MAP2: variants seen among roughly 807,000 people sequenced by gnomAD.
The protein encoded by MAP2 is microtubule-associated protein 2.
In MAP2, 14 loss-of-function variants were observed where a neutral mutation model predicts 137.6. The ratio of observed to expected loss-of-function variants is 0.10; its 90% CI spans 0.07 to 0.16. MAP2 has a LOEUF of 0.16. Among genes scored for constraint, MAP2 ranks in the 10% least tolerant of loss-of-function variants. The probability of loss-of-function intolerance (pLI) is 1.00; values close to 1 mark genes in which losing one functional copy is unlikely to be tolerated. For synonymous variants in MAP2, 786 were observed against 782.3 expected (o/e 1.00, Z -0.08); for missense variants, 2,088 against 2,191.5 (o/e 0.95, Z 0.94).
intron 2 of MAP2, among the ~76,000 whole-genome samples, chr2:209,571,417 A>G (rs2074377821): frequency 6.6e-6 from 1 of 151,984 alleles, no homozygotes; most frequent in Non-Finnish European, 1.5e-5. Context: ...TATTAGTTTT[A>G]TCTGCTCTGG....
chr2:209,649,447 C>T (rs2094632802), intron 4 of MAP2, among the ~76,000 whole-genome samples: 2 of 152,070 alleles, frequency 1.3e-5, no homozygotes, highest in South Asian at 4.1e-4. Context: ...TTTTGAAGAA[C>T]AGAGATAATC....
intron 5 of MAP2, among the ~76,000 whole-genome samples, chr2:209,670,106 A>C (rs923841134): frequency 1.3e-5 from 2 of 152,106 alleles, no homozygotes; most frequent in Admixed American, 6.6e-5. Flanking sequence ...TCAGTGCCTT[A>C]ATGATTGGAT....
At chr2:209,548,904 T>G (rs914473900) in intron 2 of MAP2, among the ~76,000 whole-genome samples, 2 of 152,200 alleles carry the variant, frequency 1.3e-5, no homozygotes, top group Non-Finnish European at 1.5e-5. Context: ...TGCAGAACTG[T>G]GAGTCAATTA....
In MAP2 at chr2:209,695,019, T is replaced by C. The variant is rs775061918; in HGVS notation, c.2849T>C (p.Phe950Ser). The change falls in exon 8 of 16, where the codon TTT becomes TCT. Residue 950 changes from phenylalanine to serine, a missense_variant. Transcript: ENST00000682079. ...GACAAATCAGGACTGAGTAAGGAGT[T>C]TGACCAAGAGAAGAAAGCTAATGAT... ...SGDKSGLSKE[F>S]DQEKKANDRL... 15 of 1,613,956 alleles carry C rather than the reference T, an allele frequency of 9.3e-6. No individual in the cohort carries two copies. Among genetic ancestry groups the C allele is most frequent in the East Asian group, 2.2e-5 (1 of 44,870 alleles).
chr2:209,654,131 T>G (rs2094982492), intron 5 of MAP2, among the ~76,000 whole-genome samples: 1 of 152,244 alleles, frequency 6.6e-6, no homozygotes, highest in African/African-American at 2.4e-5. Context: ...CTTGGGGTGC[T>G]GCAGCAAATT....
intron 5 of MAP2, among the ~76,000 whole-genome samples, chr2:209,660,812 C>T (rs1239085665): frequency 6.7e-6 from 1 of 149,206 alleles, no homozygotes; most frequent in Non-Finnish European, 1.5e-5. Flanking sequence ...CGGCTCACTG[C>T]AAGCTCCGCC....
chr2:209,582,657 T>TGACA (rs952081476), intron 3 of MAP2, among the ~76,000 whole-genome samples: 14 of 149,632 alleles, frequency 9.4e-5, no homozygotes, highest in African/African-American at 3.5e-4. Context: ...GATAGATAGA[T>TGACA]GATAGATAGA....
chr2:209,669,835 T>C (rs190786257), intron 5 of MAP2, among the ~76,000 whole-genome samples: 18 of 151,950 alleles, frequency 1.2e-4, no homozygotes, highest in Non-Finnish European at 1.6e-4. Context: ...ACCCACTATA[T>C]TTTATATTTT....
intron 6 of MAP2, among the ~76,000 whole-genome samples, chr2:209,680,265 A>C (rs770075563): frequency 5.3e-5 from 8 of 152,172 alleles, no homozygotes; most frequent in Admixed American, 2.0e-4. Flanking sequence ...GTTGTTTAAA[A>C]AATATATTCC....
At chr2:209,556,024 C>CTTTTTTTT (rs34673279) in intron 2 of MAP2, among the ~76,000 whole-genome samples, 1 of 134,210 alleles carries the variant, frequency 7.5e-6, no homozygotes, top group Non-Finnish European at 1.5e-5. Context: ...GGCATTCTTT[C>CTTTTTTTT]TTTTTTTTTT....
chr2:209,543,389 T>C (rs539326163), intron 2 of MAP2, among the ~76,000 whole-genome samples: 33 of 152,290 alleles, frequency 2.2e-4, no homozygotes, highest in Admixed American at 1.3e-4. Context: ...ATTGGCAAAA[T>C]GTGACACAGA....
At chr2:209,675,036 T>C (rs2050684019) in intron 5 of MAP2, among the ~76,000 whole-genome samples, 2 of 151,876 alleles carry the variant, frequency 1.3e-5, no homozygotes, top group Admixed American at 6.6e-5. Flanking sequence ...CTTAGGCTCC[T>C]GTTTCCCTAA....
chr2:209,642,738 A>G (rs2094134748), intron 4 of MAP2, among the ~76,000 whole-genome samples: 4 of 152,182 alleles, frequency 2.6e-5, no homozygotes, highest in Admixed American at 6.6e-5. Context: ...GATTTTCAGC[A>G]TATCTTTTTC....
At chr2:209,487,835 A>G (rs2058578602) in intron 1 of MAP2, among the ~76,000 whole-genome samples, 1 of 152,240 alleles carries the variant, frequency 6.6e-6, no homozygotes. Flanking sequence ...TGAGTAAGGT[A>G]GCCTCTTAAA....
At chr2:209,641,238 G>T (rs916597650) in intron 4 of MAP2, among the ~76,000 whole-genome samples, 2 of 152,102 alleles carry the variant, frequency 1.3e-5, no homozygotes, top group African/African-American at 4.8e-5. Flanking sequence ...GTCCAAAGAA[G>T]ATTTACTTTT....
chr2:209,540,359 C>T (rs765191887), intron 2 of MAP2, among the ~76,000 whole-genome samples: 1 of 151,216 alleles, frequency 6.6e-6, no homozygotes, highest in Non-Finnish European at 1.5e-5. Context: ...ACTGGCCGGG[C>T]GCGGTCGCTC....
chr2:209,488,004 G>A (rs910014714), intron 1 of MAP2, among the ~76,000 whole-genome samples: 4 of 152,182 alleles, frequency 2.6e-5, no homozygotes, highest in Admixed American at 1.3e-4. Context: ...TGGGCAAGAC[G>A]GCCAAACAGG....
At chr2:209,441,876 A>G (rs559269090) in intron 1 of MAP2, among the ~76,000 whole-genome samples, 2 of 151,688 alleles carry the variant, frequency 1.3e-5, no homozygotes, top group South Asian at 4.1e-4. Flanking sequence ...AGGACTGTAA[A>G]TGGAACTACA....
intron 3 of MAP2, among the ~76,000 whole-genome samples, chr2:209,580,524 G>T (rs1056579878): frequency 2.6e-5 from 4 of 152,158 alleles, no homozygotes; most frequent in Non-Finnish European, 4.4e-5. Flanking sequence ...TTCCCAGGTA[G>T]AATGGGTGCT....
Sources: allele counts gnomAD v4.1 joint callset (sites outside exome capture counted in the v4.1 genomes callset), GRCh38; gene constraint gnomAD v4.1.1; transcripts MANE v1.5; gene names NCBI Gene and HGNC (gene_info 2026-07-23, HGNC 2026-07-21).